KCNH7: variants seen among roughly 807,000 people sequenced by gnomAD.
KCNH7 encodes the protein potassium voltage-gated channel subfamily H member 7.
A neutral mutation model predicts 120.8 loss-of-function variants in KCNH7; 49 were observed. The ratio of observed to expected loss-of-function variants is 0.41; its 90% confidence interval spans 0.32 to 0.51. The LOEUF is 0.51. Ranked by LOEUF, KCNH7 falls within the 20% of genes least tolerant of loss-of-function variation. The pLI is 0.38. For missense variants in KCNH7, 1,097 were observed against 1,446.6 expected (o/e 0.76, Z 3.92); for synonymous variants, 547 against 516.1 (o/e 1.06, Z -0.81).
chr2:162,671,359 A>T (rs763302817), intron 2 of KCNH7, among the ~76,000 whole-genome samples: 1 of 151,748 alleles, frequency 6.6e-6, no homozygotes, highest in Non-Finnish European at 1.5e-5. Context: ...TATACCATGG[A>T]TTACTATTCA....
chr2:162,485,355 TTCTC>T (rs1690059391), intron 6 of KCNH7, among the ~76,000 whole-genome samples: 1 of 152,220 alleles, frequency 6.6e-6, no homozygotes, highest in Non-Finnish European at 1.5e-5. Context: ...ATAATAATCT[TTCTC>T]TTTTTAATAC....
intron 2 of KCNH7, among the ~76,000 whole-genome samples, chr2:162,670,352 T>C (rs1685300872): frequency 6.7e-6 from 1 of 150,244 alleles, no homozygotes; most frequent in Admixed American, 6.7e-5. Flanking sequence ...CGCATGCCTG[T>C]AGTCTTAGCT....
At chr2:162,483,018 T>C (rs1689979864) in intron 6 of KCNH7, among the ~76,000 whole-genome samples, 1 of 152,120 alleles carries the variant, frequency 6.6e-6, no homozygotes, top group Admixed American at 6.6e-5. Context: ...AGAAGGAGAA[T>C]GGGAATGAAG....
rs181277970 is a variant in KCNH7 at position 162,656,229 on chromosome 2, C to A, written c.308-119149G>T. Among the ~76,000 whole-genome samples the A allele has an allele frequency of 3.3e-5, 5 of 152,266 alleles. No individual in the cohort carries two copies. In the East Asian group the frequency reaches 9.7e-4, roughly 29 times the overall value. Reference sequence around the variant, plus strand: ...CTGTTTTTCTAGAGAAACAGAAGCACAAACAATAAATCCACTGACTTGTTT... The same window carrying A: ...CTGTTTTTCTAGAGAAACAGAAGCAAAAACAATAAATCCACTGACTTGTTT... On this transcript the variant is annotated intron_variant, in intron 2 of 15. Coordinates refer to ENST00000332142, the MANE Select transcript of KCNH7 (RefSeq NM_033272.4).
At position 162,570,992 on chromosome 2, in the gene KCNH7, G is replaced by A. The variant is rs545274516; in HGVS notation, c.308-33912C>T. The stretch of plus-strand genomic sequence containing the variant: ...TCCCTTTGAAAACTGGCACAAGACA[G>A]GGATGCCCTCTCTCATCACTCCTAT... On this transcript the variant is annotated intron_variant, in intron 2 of 15. Transcript: ENST00000332142. Among the ~76,000 whole-genome samples the A allele has an allele frequency of 2.6e-3, 402 of 152,146 alleles. 1 individual carries two copies. The highest frequency in any genetic ancestry group is 9.2e-3 in the African/African-American group (383 of 41,526).
intron 8 of KCNH7, among the ~76,000 whole-genome samples, chr2:162,428,931 A>T (rs1687963126): frequency 6.6e-6 from 1 of 151,790 alleles, no homozygotes; most frequent in African/African-American, 2.4e-5. Context: ...TCTTATTTTT[A>T]AAAATGCTTT....
chr2:162,437,422 TC>T (rs1688277013), intron 7 of KCNH7, among the ~76,000 whole-genome samples: 1 of 152,132 alleles, frequency 6.6e-6, no homozygotes, highest in Non-Finnish European at 1.5e-5. Flanking sequence ...GTATATTTCT[TC>T]CCTATGAATG....
intron 2 of KCNH7, among the ~76,000 whole-genome samples, chr2:162,794,921 C>T (rs1684084358): frequency 6.6e-6 from 1 of 151,958 alleles, no homozygotes; most frequent in East Asian, 1.9e-4. Flanking sequence ...TTTAAAAGTT[C>T]TGATTCATGA....
At chr2:162,723,729 A>G (rs542121761) in intron 2 of KCNH7, among the ~76,000 whole-genome samples, 1 of 152,334 alleles carries the variant, frequency 6.6e-6, no homozygotes, top group South Asian at 2.1e-4. Flanking sequence ...CAAATGTAAG[A>G]GGTAAAAGTA....
At chr2:162,693,862 T>A (rs989646248) in intron 2 of KCNH7, among the ~76,000 whole-genome samples, 1 of 151,798 alleles carries the variant, frequency 6.6e-6, no homozygotes, top group African/African-American at 2.4e-5. Flanking sequence ...AAAGGAAGAC[T>A]GGCCTCTATC....
chr2:162,660,903 T>C (rs1684936319), intron 2 of KCNH7, among the ~76,000 whole-genome samples: 1 of 152,196 alleles, frequency 6.6e-6, no homozygotes, highest in Admixed American at 6.6e-5. Flanking sequence ...ATTTATTAGA[T>C]ACCAGTAGAC....
At chr2:162,511,822 G>T (rs1482256360) in intron 5 of KCNH7, among the ~76,000 whole-genome samples, 1 of 151,742 alleles carries the variant, frequency 6.6e-6, no homozygotes, top group Non-Finnish European at 1.5e-5. Context: ...TACTGGTGGA[G>T]ACGTGTTCAT....
In KCNH7 at chr2:162,616,468, T is replaced by G. The variant is rs184838919; in HGVS notation, c.308-79388A>C. On this transcript the variant is annotated intron_variant, in intron 2 of 15. Coordinates refer to ENST00000332142, the MANE Select transcript of KCNH7 (RefSeq NM_033272.4). ...TTATCCTTGTGTGTCACTAACTAGT[T>G]GTTCGTCTTTGGCCAAGTATCACTT... Among the ~76,000 whole-genome samples the G allele has an allele frequency of 5.9e-5, 9 of 152,336 alleles. No individual in the cohort carries two copies. In the East Asian group the frequency reaches 1.5e-3, roughly 26 times the overall value.
chr2:162,648,727 G>C (rs1369963360), intron 2 of KCNH7, among the ~76,000 whole-genome samples: 1 of 151,986 alleles, frequency 6.6e-6, no homozygotes, highest in Non-Finnish European at 1.5e-5. Context: ...TTTGTCTCTT[G>C]GCCTATAGAG....
intron 9 of KCNH7, among the ~76,000 whole-genome samples, chr2:162,411,925 A>G (rs1687403940): frequency 6.6e-6 from 1 of 151,952 alleles, no homozygotes; most frequent in Non-Finnish European, 1.5e-5. Context: ...CCAATATTAA[A>G]TCCTCAAGAG....
chr2:162,752,598 A>G (rs1307989203), intron 2 of KCNH7, among the ~76,000 whole-genome samples: 1 of 151,996 alleles, frequency 6.6e-6, no homozygotes, highest in Non-Finnish European at 1.5e-5. Flanking sequence ...ACACGGCACA[A>G]CAGAAGATTA....
At chr2:162,480,947 GA>G (rs908004186) in intron 6 of KCNH7, among the ~76,000 whole-genome samples, 1 of 152,158 alleles carries the variant, frequency 6.6e-6, no homozygotes, top group Non-Finnish European at 1.5e-5. Context: ...CACTGGGCTT[GA>G]AAATCACTGT....
chr2:162,624,923 G>C (rs943602156), intron 2 of KCNH7, among the ~76,000 whole-genome samples: 39 of 112,434 alleles, frequency 3.5e-4, no homozygotes, highest in Non-Finnish European at 5.9e-4. Context: ...TTGAGATGGA[G>C]TTTCGCTCTT....
intron 2 of KCNH7, among the ~76,000 whole-genome samples, chr2:162,686,911 G>C (rs1268089662): frequency 6.6e-6 from 1 of 151,532 alleles, no homozygotes; most frequent in Non-Finnish European, 1.5e-5. Flanking sequence ...CAGATCCCCA[G>C]TAAAGCCCAT....
Sources: gnomAD v4.1 joint callset for allele counts (sites outside exome capture counted in the v4.1 genomes callset) on GRCh38, gnomAD v4.1.1 for gene constraint, MANE v1.5 for transcripts, NCBI Gene and HGNC (gene_info 2026-07-23, HGNC 2026-07-21) for gene names.